The following SUGCT variants were observed in gnomAD, a reference collection of about 807,000 sequenced individuals.
The protein encoded by SUGCT is succinyl-CoA:glutarate CoA-transferase.
In SUGCT, 41 loss-of-function variants were observed where a neutral mutation model predicts 55.0. That is an observed-to-expected ratio of 0.74 (90% CI 0.58 to 0.97). SUGCT has a LOEUF of 0.97. Ranked by LOEUF, SUGCT falls within the 50% of genes least tolerant of loss-of-function variation. The pLI, the probability that SUGCT is intolerant of heterozygous loss-of-function variation, is 0.00. For synonymous variants in SUGCT, 187 were observed against 200.4 expected (o/e 0.93, Z 0.56); for missense variants, 568 against 547.8 (o/e 1.04, Z -0.37).
At chr7:41,022,957 TTC>T in the SUGCT span, among the ~76,000 whole-genome samples, 1 of 152,228 alleles carries the variant, frequency 6.6e-6, no homozygotes, top group Admixed American at 6.5e-5. Flanking sequence ...ATGGCAGTTT[TTC>T]ATGCTGATCA....
At chr7:40,220,851 T>C (rs1317530459) in intron 6 of SUGCT, among the ~76,000 whole-genome samples, 2 of 152,192 alleles carry the variant, frequency 1.3e-5, no homozygotes, top group Non-Finnish European at 2.9e-5. Context: ...GTTTGGATTG[T>C]TGAAAGAGAA....
chr7:40,576,942 C>T (rs187083623), intron 12 of SUGCT, among the ~76,000 whole-genome samples: 1 of 152,208 alleles, frequency 6.6e-6, no homozygotes, highest in Admixed American at 6.5e-5. Context: ...GTCCTGGGGC[C>T]AAGGAGAGTG....
chr7:40,350,491 T>G (rs929709756), intron 9 of SUGCT, among the ~76,000 whole-genome samples: 2 of 150,784 alleles, frequency 1.3e-5, no homozygotes, highest in Non-Finnish European at 3.0e-5. Context: ...TTTTTTTTTT[T>G]TTTCTTCTTT....
Position 40,479,195 on chromosome 7 carries a change from A to C in SUGCT, c.987-17089A>C, listed in dbSNP as rs537364281. Among the ~76,000 whole-genome samples, 9 of 152,254 alleles carry C rather than the reference A, an allele frequency of 5.9e-5. No homozygotes were observed. The East Asian group carries it at 1.7e-3, about 29-fold the overall frequency. ...TTAAGCATGCTGAAATGAACATGAG[A>C]GTGAAGATATCTCTTTGAGATACCG... On this transcript the variant is annotated intron_variant, in intron 11 of 13. Transcript: ENST00000335693.
At chr7:40,272,929 A>G (rs752069077) in intron 7 of SUGCT, among the ~76,000 whole-genome samples, 49 of 152,050 alleles carry the variant, frequency 3.2e-4, no homozygotes, top group Admixed American at 2.4e-3. Context: ...CAAAGTGCTG[A>G]GATTACAGGT....
chr7:40,319,214 G>A (rs994006641), intron 9 of SUGCT, among the ~76,000 whole-genome samples: 1 of 152,120 alleles, frequency 6.6e-6, no homozygotes, highest in African/African-American at 2.4e-5. Flanking sequence ...AATCTACCAG[G>A]TTATTTCCTC....
intron 9 of SUGCT, among the ~76,000 whole-genome samples, chr7:40,393,437 C>T (rs1219326668): frequency 1.3e-5 from 2 of 152,086 alleles, no homozygotes; most frequent in Non-Finnish European, 2.9e-5. Context: ...TGACAGAAGC[C>T]GTGACACATT....
chr7:40,461,403 C>T (rs1789793549), intron 11 of SUGCT, among the ~76,000 whole-genome samples: 1 of 152,116 alleles, frequency 6.6e-6, no homozygotes. Flanking sequence ...CACTCTTCTT[C>T]TTACATGTTT....
chr7:40,911,630 G>A, the SUGCT span, among the ~76,000 whole-genome samples: 1 of 151,670 alleles, frequency 6.6e-6, no homozygotes, highest in African/African-American at 2.4e-5. Context: ...TCTTTGTTGT[G>A]GGGGCTGTCC....
At chr7:40,471,322 AG>A (rs924582069) in intron 11 of SUGCT, among the ~76,000 whole-genome samples, 1 of 151,976 alleles carries the variant, frequency 6.6e-6, no homozygotes, top group African/African-American at 2.4e-5. Context: ...GACTAAAAAA[AG>A]TACTAAAATA....
the SUGCT span, among the ~76,000 whole-genome samples, chr7:40,915,650 G>A: frequency 6.7e-6 from 1 of 150,146 alleles, no homozygotes; most frequent in South Asian, 2.1e-4. Flanking sequence ...TTCTCTCAGA[G>A]GGAAGAGCAG....
chr7:40,746,815 CTA>C (rs1353193227), intron 12 of SUGCT, among the ~76,000 whole-genome samples: 1 of 152,180 alleles, frequency 6.6e-6, no homozygotes, highest in Non-Finnish European at 1.5e-5. Context: ...AATTTCAACA[CTA>C]TCAGTTAAGT....
At chr7:40,588,198 A>C (rs1584062300) in intron 12 of SUGCT, among the ~76,000 whole-genome samples, 1 of 151,014 alleles carries the variant, frequency 6.6e-6, no homozygotes, top group East Asian at 1.9e-4. Context: ...CACTGCGCCC[A>C]GCCCTCCTTT....
chr7:40,545,246 A>G (rs894403416), intron 12 of SUGCT, among the ~76,000 whole-genome samples: 3 of 152,206 alleles, frequency 2.0e-5, no homozygotes, highest in Non-Finnish European at 2.9e-5. Flanking sequence ...GGAGTTGAAG[A>G]AAGTCATGAC....
At chr7:40,607,648 A>G (rs1243419532) in intron 12 of SUGCT, among the ~76,000 whole-genome samples, 1 of 152,200 alleles carries the variant, frequency 6.6e-6, no homozygotes, top group African/African-American at 2.4e-5. Context: ...TCCCCAAATC[A>G]TGAAGATTAT....
chr7:40,551,173 A>G (rs1241183214), intron 12 of SUGCT, among the ~76,000 whole-genome samples: 4 of 152,132 alleles, frequency 2.6e-5, no homozygotes, highest in Non-Finnish European at 5.9e-5. Flanking sequence ...TTGTGATTTT[A>G]TGGATTACAA....
Position 40,821,381 on chromosome 7 carries a change from A to T in SUGCT, c.1154-38935A>T, listed in dbSNP as rs554507971. Among the ~76,000 whole-genome samples the T allele has an allele frequency of 3.3e-5, 5 of 152,250 alleles. No individual in the cohort carries two copies. In the East Asian group the frequency reaches 5.8e-4, roughly 18 times the overall value. On this transcript the variant is annotated intron_variant, in intron 13 of 13. Coordinates refer to ENST00000335693, the MANE Select transcript of SUGCT (RefSeq NM_001193313.2). Reference sequence around the variant, plus strand: ...TACCTCTGGTAGAATTCAGCTGTGAATCCGTCTGGTCCTGGACTTTTTTTG... The same window carrying T: ...TACCTCTGGTAGAATTCAGCTGTGATTCCGTCTGGTCCTGGACTTTTTTTG...
chr7:40,721,946 A>G (rs1161537600), intron 12 of SUGCT, among the ~76,000 whole-genome samples: 1 of 152,182 alleles, frequency 6.6e-6, no homozygotes, highest in Non-Finnish European at 1.5e-5. Context: ...AGATTTTCGT[A>G]TTGCATCCAT....
chr7:40,676,503 T>G (rs1168342502), intron 12 of SUGCT, among the ~76,000 whole-genome samples: 1 of 138,118 alleles, frequency 7.2e-6, no homozygotes, highest in Non-Finnish European at 1.5e-5. Context: ...TTTTGTTTTT[T>G]GTTTTTTTTT....
Sources: gnomAD v4.1 joint callset for allele counts (sites outside exome capture counted in the v4.1 genomes callset) on GRCh38, gnomAD v4.1.1 for gene constraint, MANE v1.5 for transcripts, NCBI Gene and HGNC (gene_info 2026-07-23, HGNC 2026-07-21) for gene names.